RAB21: variants seen among roughly 807,000 people sequenced by gnomAD.
RAB21 encodes the protein RAB21, member RAS oncogene family, also known as ras-related protein Rab-21.
RAB21 carries 13 observed loss-of-function variants against 33.1 expected under a neutral mutation model. The ratio of observed to expected loss-of-function variants is 0.39; its 90% confidence interval spans 0.26 to 0.62. The LOEUF is 0.62. RAB21 is among the 20% of genes least tolerant of loss of function. The probability of loss-of-function intolerance (pLI) is 0.48; values close to 1 mark genes in which losing one functional copy is unlikely to be tolerated. For synonymous variants in RAB21, 91 were observed against 103.7 expected, an observed-to-expected ratio of 0.88 and a Z score of 0.74; for missense variants, 234 against 279.1, an observed-to-expected ratio of 0.84 and a Z score of 1.15.
intron 1 of RAB21, among the ~76,000 whole-genome samples, chr12:71,767,845 A>T (rs1179866886): frequency 2.0e-5 from 3 of 152,198 alleles, no homozygotes; most frequent in African/African-American, 7.2e-5. Context: ...CTATCCATTA[A>T]ATATTCGGAT....
At chr12:71,775,264 T>C (rs967404122) in intron 4 of RAB21, among the ~76,000 whole-genome samples, 4 of 152,242 alleles carry the variant, frequency 2.6e-5, no homozygotes, top group African/African-American at 9.6e-5. Flanking sequence ...GAGGGTTTTA[T>C]AGAGGAAGGT....
At position 71,798,949 on chromosome 12, in the gene RAB21, C is replaced by T. The variant is rs1883501943; in HGVS notation, c.*13276C>T. On this transcript the variant is annotated 3_prime_UTR_variant, in exon 7 of 7. Transcript: ENST00000261263. ...TTAAGTTTTCTCAACTATATGCTCT[C>T]TCCTCATGATTTGAAAGGCAAAAGT... 1.3e-5 allele frequency: 2 copies of T among 152,238 alleles called. No individual in the cohort carries two copies. Among genetic ancestry groups the T allele is most frequent in the Non-Finnish European group, 1.5e-5 (1 of 68,058 alleles). 9.4% of individuals were successfully genotyped at this position (152,238 alleles called of 1,614,324 possible).
At chr12:71,778,700 C>G (rs1883155262) in intron 4 of RAB21, among the ~76,000 whole-genome samples, 1 of 152,106 alleles carries the variant, frequency 6.6e-6, no homozygotes, top group Non-Finnish European at 1.5e-5. Context: ...ATAATAAATG[C>G]TATGGAAGGG....
intron 1 of RAB21, among the ~76,000 whole-genome samples, chr12:71,764,549 G>A (rs1277498517): frequency 6.6e-6 from 1 of 151,812 alleles, no homozygotes; most frequent in Non-Finnish European, 1.5e-5. Context: ...CTGAGATTTT[G>A]GTGCACCTGA....
rs1349707548 is a variant in RAB21 at position 71,791,988 on chromosome 12, C to T, written c.*6315C>T. The T allele has an allele frequency of 6.6e-6, 1 of 152,170 alleles. No homozygotes were observed. Among genetic ancestry groups the T allele is most frequent in the Non-Finnish European group, 1.5e-5 (1 of 68,044 alleles). 9.4% of individuals were successfully genotyped at this position (152,170 alleles called of 1,614,324 possible). A position where few individuals can be genotyped will look rare whatever the true frequency, so the allele number is the denominator to read the frequency against. ...TAAGCAATCCTCCCACCTCAGACTT[C>T]GAAGTAGCTGGTATTACAGGTGCAT... On this transcript the variant is annotated 3_prime_UTR_variant, in exon 7 of 7. Coordinates refer to ENST00000261263, the MANE Select transcript of RAB21 (RefSeq NM_014999.4).
At position 71,755,213 on chromosome 12, in the gene RAB21, C is replaced by G. The variant is rs1475140758; in HGVS notation, c.84C>G (p.Gly28=). 8 of 1,541,120 alleles carry G rather than the reference C, an allele frequency of 5.2e-6. No homozygotes were observed. The highest frequency in any genetic ancestry group is 2.0e-5 in the Admixed American group (1 of 48,912). ...TCAAGGTGGTGCTGCTGGGGGAAGG[C>G]TGCGTGGGGAAGACGTCGCTGGTGC... ...YSFKVVLLGE[G]CVGKTSLVLR... Residue 28 remains glycine (G), a synonymous_variant, in exon 1 of 7, where the codon GGC becomes GGG. Coordinates refer to ENST00000261263, the MANE Select transcript of RAB21 (RefSeq NM_014999.4).
chr12:71,784,880 C>T (rs879919573), intron 6 of RAB21, among the ~76,000 whole-genome samples: 1 of 151,942 alleles, frequency 6.6e-6, no homozygotes, highest in South Asian at 2.1e-4. Flanking sequence ...TCACTTGAGC[C>T]CAGGAGTTTG....
At chr12:71,762,490 A>G (rs2137640720) in intron 1 of RAB21, among the ~76,000 whole-genome samples, 1 of 151,816 alleles carries the variant, frequency 6.6e-6, no homozygotes, top group East Asian at 1.9e-4. Context: ...TATTTTTAGT[A>G]GAGACGGGGT....
chr12:71,786,960 T>C lies in RAB21; in HGVS notation c.*1287T>C, dbSNP rs965725504. The C allele has an allele frequency of 1.3e-5, 2 of 152,228 alleles. No homozygotes were observed. The highest frequency in any genetic ancestry group is 2.4e-5 in the African/African-American group (1 of 41,448). 9.4% of individuals were successfully genotyped at this position (152,228 alleles called of 1,614,324 possible). On this transcript the variant is annotated 3_prime_UTR_variant, in exon 7 of 7. Coordinates refer to ENST00000261263, the MANE Select transcript of RAB21 (RefSeq NM_014999.4). ...ATTTTCTCATAGGCTTTATAAGAGATGGGTTCAGTGGTATGAGCAGAGGAA... is the reference window on the plus strand; with the variant it reads ...ATTTTCTCATAGGCTTTATAAGAGACGGGTTCAGTGGTATGAGCAGAGGAA...
rs1883276654 is a variant in RAB21, at chr12:71,785,808, T to G, written c.*135T>G. The G allele has an allele frequency of 5.7e-6, 6 of 1,050,736 alleles. No individual in the cohort carries two copies. The South Asian group carries it at 9.9e-5, about 17-fold the overall frequency. The allele number at this position is 1,050,736 out of a possible 1,614,324, so 65.1% of individuals were successfully genotyped here. A position where few individuals can be genotyped will look rare whatever the true frequency, so the allele number is the denominator to read the frequency against. ...TTAACAGTATTTTAAATTACGTTTATAACACTGCAGAGACCTTAAGTGCTA... is the reference window on the plus strand; with the variant it reads ...TTAACAGTATTTTAAATTACGTTTAGAACACTGCAGAGACCTTAAGTGCTA... On this transcript the variant is annotated 3_prime_UTR_variant, in exon 7 of 7. Transcript: ENST00000261263.
At chr12:71,782,204 T>G (rs1883211785) in intron 5 of RAB21, 119 bp downstream of exon 5, 1 of 950,698 alleles carries the variant, frequency 1.1e-6, no homozygotes, top group Non-Finnish European at 1.6e-6. Flanking sequence ...AGGTGTTGGA[T>G]TCAGTGAAGC....
rs955744693 is a variant in RAB21, at chr12:71,789,611, A to G, written c.*3938A>G. ...TAGTAGTGACCCGCAGGAGCCTCAC[A>G]ATAATGTCTAAAGATATAAACTGAG... On this transcript the variant is annotated 3_prime_UTR_variant, in exon 7 of 7. Coordinates refer to ENST00000261263, the MANE Select transcript of RAB21 (RefSeq NM_014999.4). 3 of 152,148 alleles carry G rather than the reference A, an allele frequency of 2.0e-5. No individual in the cohort carries two copies. The East Asian group carries it at 5.8e-4, about 29-fold the overall frequency. The allele number at this position is 152,148 out of a possible 1,614,324, so 9.4% of individuals were successfully genotyped here. A position where few individuals can be genotyped will look rare whatever the true frequency, so the allele number is the denominator to read the frequency against.
At chr12:71,782,191 T>A in intron 5 of RAB21, 106 bp downstream of exon 5, 1 of 1,073,330 alleles carries the variant, frequency 9.3e-7, no homozygotes, top group Non-Finnish European at 1.4e-6. Context: ...TTAGCATGGA[T>A]TGAGGTGTTG....
intron 1 of RAB21, among the ~76,000 whole-genome samples, chr12:71,765,970 A>G (rs1390741156): frequency 6.6e-6 from 1 of 152,180 alleles, no homozygotes; most frequent in African/African-American, 2.4e-5. Context: ...GATTTATATC[A>G]AATGAGATGA....
intron 1 of RAB21, among the ~76,000 whole-genome samples, chr12:71,760,377 A>AAT (rs568589694): frequency 1.2e-3 from 176 of 152,218 alleles, no homozygotes; most frequent in African/African-American, 4.1e-3. Context: ...TAACTTATAT[A>AAT]GAGTCCCCAA....
At chr12:71,763,816 G>A (rs1882914803) in intron 1 of RAB21, among the ~76,000 whole-genome samples, 1 of 152,102 alleles carries the variant, frequency 6.6e-6, no homozygotes, top group Non-Finnish European at 1.5e-5. Flanking sequence ...GTGGAGGAGT[G>A]CCAGATTAAG....
At chr12:71,784,434 TTGTTTCA>T (rs1565895470) in intron 6 of RAB21, among the ~76,000 whole-genome samples, 1 of 152,226 alleles carries the variant, frequency 6.6e-6, no homozygotes, top group African/African-American at 2.4e-5. Flanking sequence ...TCTGGAAATT[TTGTTTCA>T]TGTCTTACAT....
chr12:71,785,891 TTTTTTTTTG>T lies in RAB21; in HGVS notation c.*227_*235del. ...ATTTTCTACAAATGTTTTTTTTTGT[TTTTTTTTTG>T]TTTTTTTTTGTTTTTTTTTGAGACG... On this transcript the variant is annotated 3_prime_UTR_variant, in exon 7 of 7. Transcript: ENST00000261263. The T allele has an allele frequency of 7.2e-5, 30 of 414,972 alleles. No individual in the cohort carries two copies. Among genetic ancestry groups the T allele is most frequent in the East Asian group, 1.5e-4 (3 of 20,448 alleles). The allele number at this position is 414,972 out of a possible 1,614,324, so 25.7% of individuals were successfully genotyped here.
At chr12:71,758,162 A>G (rs1433913266) in intron 1 of RAB21, among the ~76,000 whole-genome samples, 1 of 151,668 alleles carries the variant, frequency 6.6e-6, no homozygotes, top group African/African-American at 2.4e-5. Flanking sequence ...CCTCCCGAGT[A>G]GCTGGGACTA....
Sources: gnomAD v4.1 joint callset for allele counts (sites outside exome capture counted in the v4.1 genomes callset) on GRCh38, gnomAD v4.1.1 for gene constraint, MANE v1.5 for transcripts, NCBI Gene and HGNC (gene_info 2026-07-23, HGNC 2026-07-21) for gene names.